The following IARS1 variants were observed in gnomAD, a reference collection of about 807,000 sequenced individuals.
IARS1 encodes isoleucyl-tRNA synthetase 1, also known as isoleucine--tRNA ligase, cytoplasmic.
Under a neutral mutation model 168.2 loss-of-function variants are expected in IARS1, and 124 were observed. The ratio of observed to expected loss-of-function variants is 0.74; its 90% CI spans 0.64 to 0.86. The LOEUF is 0.86. Among genes scored for constraint, IARS1 ranks in the 40% least tolerant of loss-of-function variants. The pLI, the probability that IARS1 is intolerant of heterozygous loss-of-function variation, is 0.00. For missense variants in IARS1, 1,452 were observed against 1,515.8 expected (o/e 0.96, Z 0.70); for synonymous variants, 532 against 529.4 (o/e 1.00, Z -0.07).
At chr9:92,231,941 T>C (rs1292340629) in intron 30 of IARS1, among the ~76,000 whole-genome samples, 1 of 152,224 alleles carries the variant, frequency 6.6e-6, no homozygotes, top group Non-Finnish European at 1.5e-5. Flanking sequence ...GGATTTATTA[T>C]CAAATAAGTT....
At chr9:92,260,549 G>A (rs1362481435) in intron 17 of IARS1, among the ~76,000 whole-genome samples, 1 of 152,152 alleles carries the variant, frequency 6.6e-6, no homozygotes, top group African/African-American at 2.4e-5. Context: ...CCACTACTGG[G>A]GAGGCTGAGG....
intron 6 of IARS1, 53 bp from the exon 7 acceptor site, chr9:92,280,946 C>T: frequency 1.5e-6 from 2 of 1,330,454 alleles, no homozygotes; most frequent in Non-Finnish European, 2.1e-6. Context: ...TAACAGACAC[C>T]TAAGAAAAAG....
chr9:92,217,587 G>T (rs1445768972), intron 33 of IARS1, among the ~76,000 whole-genome samples: 2 of 150,674 alleles, frequency 1.3e-5, no homozygotes, highest in South Asian at 4.2e-4. Context: ...AATGATAAAG[G>T]GGATATCACC....
chr9:92,265,860 T>C (rs555709593), intron 14 of IARS1, among the ~76,000 whole-genome samples: 1 of 152,200 alleles, frequency 6.6e-6, no homozygotes, highest in African/African-American at 2.4e-5. Context: ...GGTTTCGCCA[T>C]GCTGCCCAGG....
chr9:92,257,682 G>A (rs183934732), intron 19 of IARS1, among the ~76,000 whole-genome samples: 142 of 152,298 alleles, frequency 9.3e-4, no homozygotes, highest in Admixed American at 4.6e-3. Flanking sequence ...GAGCCCAAGG[G>A]GAGCAGAAGT....
chr9:92,288,813 T>A (rs1564190708), intron 2 of IARS1, among the ~76,000 whole-genome samples: 1 of 152,268 alleles, frequency 6.6e-6, no homozygotes, highest in East Asian at 1.9e-4. Flanking sequence ...AAACAAAATT[T>A]ACCCCAATAA....
Position 92,250,833 on chromosome 9 carries a change from G to A in IARS1, c.2309C>T (p.Ala770Val). 6.2e-7 allele frequency: 1 copy of A among 1,602,832 alleles called. No homozygotes were observed. The highest frequency in any genetic ancestry group is 1.1e-5 in the South Asian group (1 of 88,752). Residue 770 changes from alanine (A) to valine (V), a missense_variant and splice_region_variant, in exon 23 of 34, where the codon GCT becomes GTT. Ala to Val is a moderately conservative substitution (Grantham distance 64). Transcript: ENST00000443024. ...TTCAGTGAGAAAAGGTGTGTAGGGA[G>A]CCTGTATGAAGACACAGGACATCAT... ...SVLLSLCRLM[A>V]PYTPFLTELM... is the part of the protein sequence containing the mutation.
Position 92,247,408 on chromosome 9 carries a change from G to C in IARS1, c.2760C>G (p.Ser920Arg). The C allele has an allele frequency of 1.2e-6, 2 of 1,614,128 alleles. No homozygotes were observed. Among genetic ancestry groups the C allele is most frequent in the Non-Finnish European group, 1.7e-6 (2 of 1,180,026 alleles). Residue 920 changes from serine (S) to arginine (R), a missense_variant, in exon 26 of 34, where the codon AGC (serine) becomes AGG (arginine). Coordinates refer to ENST00000443024, the MANE Select transcript of IARS1 (RefSeq NM_002161.6). ...KAVMTSIKQL[S>R]SEELEQFQKT... is the part of the protein sequence containing the mutation. ...TCTGGAACTGCTCCAGCTCCTCACT[G>C]CTCAACTGCTTGATGGACGTCATCA...
chr9:92,243,161 A>T (rs1828689166), intron 28 of IARS1, 55 bp downstream of exon 28: 1 of 1,317,368 alleles, frequency 7.6e-7, no homozygotes, highest in Non-Finnish European at 1.1e-6. Flanking sequence ...TTCTCCAAAC[A>T]ACCAAAACAA....
chr9:92,245,936 TTG>T (rs369456728), intron 26 of IARS1, among the ~76,000 whole-genome samples: 9 of 151,082 alleles, frequency 6.0e-5, no homozygotes, highest in African/African-American at 9.7e-5. Context: ...CTGGCTAATT[TTG>T]TGTGTGTGTG....
intron 4 of IARS1, 53 bp from the exon 5 acceptor site, chr9:92,286,671 C>T (rs1835516929): frequency 3.1e-6 from 3 of 969,908 alleles, no homozygotes; most frequent in Non-Finnish European, 3.2e-6. Context: ...TATAATTGTA[C>T]ATCAATGTGT....
intron 27 of IARS1, among the ~76,000 whole-genome samples, chr9:92,244,414 C>A (rs753483678): frequency 6.6e-6 from 1 of 152,112 alleles, no homozygotes; most frequent in African/African-American, 2.4e-5. Context: ...CTGCAATATC[C>A]CCAAACCCAC....
At position 92,243,316 on chromosome 9, in the gene IARS1, G is replaced by A. The variant is rs746763263; in HGVS notation, c.2905-5C>T. On this transcript the variant is annotated splice_polypyrimidine_tract_variant and splice_region_variant and intron_variant, in intron 27 of 33. Transcript: ENST00000443024. ...GACATCTAAGAGGACCAAAGCCTGT[G>A]GGAATGAACAGTGCACACCATGACA... 3 of 1,596,364 alleles carry A rather than the reference G, an allele frequency of 1.9e-6. No homozygotes were observed. The highest frequency in any genetic ancestry group is 3.3e-5 in the Admixed American group (2 of 59,950).
At chr9:92,284,071 A>G (rs1159098631) in intron 6 of IARS1, among the ~76,000 whole-genome samples, 1 of 152,070 alleles carries the variant, frequency 6.6e-6, no homozygotes, top group Non-Finnish European at 1.5e-5. Flanking sequence ...CCAGCTACTC[A>G]GGGGGCTGAA....
intron 7 of IARS1, among the ~76,000 whole-genome samples, chr9:92,279,588 C>A (rs1274369518): frequency 3.4e-4 from 52 of 152,296 alleles, no homozygotes; most frequent in Non-Finnish European, 1.2e-4. Context: ...AATCTTTCCC[C>A]ATTCCTTTCT....
At chr9:92,274,018 ATG>A (rs1833457275) in intron 10 of IARS1, among the ~76,000 whole-genome samples, 2 of 152,370 alleles carry the variant, frequency 1.3e-5, no homozygotes, top group African/African-American at 4.8e-5. Context: ...ATAAAAAGGA[ATG>A]TGTTTTTAGA....
intron 33 of IARS1, among the ~76,000 whole-genome samples, chr9:92,215,613 T>C (rs1314452680): frequency 1.3e-5 from 2 of 151,722 alleles, no homozygotes; most frequent in Non-Finnish European, 2.9e-5. Flanking sequence ...GCTCGAGAAC[T>C]ACGTGAAGAA....
chr9:92,212,450 C>G (rs1039403331), intron 33 of IARS1, among the ~76,000 whole-genome samples: 1 of 152,170 alleles, frequency 6.6e-6, no homozygotes, highest in Non-Finnish European at 1.5e-5. Flanking sequence ...TACAGAAAGG[C>G]AGCACAGGTT....
At chr9:92,288,004 A>G (rs1197799530) in intron 3 of IARS1, 94 bp from the exon 4 acceptor site, 1 of 1,546,286 alleles carries the variant, frequency 6.5e-7, no homozygotes, top group Non-Finnish European at 8.8e-7. Flanking sequence ...AACTACAAAT[A>G]TTATAGAAAT....
Sources: gnomAD v4.1 joint callset for allele counts (sites outside exome capture counted in the v4.1 genomes callset) on GRCh38, gnomAD v4.1.1 for gene constraint, MANE v1.5 for transcripts, NCBI Gene and HGNC (gene_info 2026-07-23, HGNC 2026-07-21) for gene names.